The following ZNF33A variants were observed in gnomAD, a reference collection of about 807,000 sequenced individuals.
ZNF33A encodes zinc finger protein 33A, also known as brain my041 protein.
In ZNF33A, 9 loss-of-function variants were observed where a neutral mutation model predicts 15.9. That is an observed-to-expected ratio of 0.57 (90% CI 0.34 to 0.99). The LOEUF is 0.99. Ranked by LOEUF, ZNF33A falls within the 50% of genes least tolerant of loss-of-function variation. ZNF33A has a pLI of 0.02. For synonymous variants in ZNF33A, 294 were observed against 324.2 expected (o/e 0.91, Z 1.00); for missense variants, 843 against 941.6 (o/e 0.90, Z 1.37).
chr10:38,010,712 T>C lies in ZNF33A; in HGVS notation c.-116T>C. 1.3e-6 allele frequency: 2 copies of C among 1,598,306 alleles called. No homozygotes were observed. Among genetic ancestry groups the C allele is most frequent in the Non-Finnish European group, 1.7e-6 (2 of 1,179,754 alleles). ...CCTTTTGTTTTTCTCAGGTTTTGCGTGGGAGGCGGTCCCGGGATTTCAAGG... is the reference window on the plus strand; with the variant it reads ...CCTTTTGTTTTTCTCAGGTTTTGCGCGGGAGGCGGTCCCGGGATTTCAAGG... On this transcript the variant is annotated 5_prime_UTR_variant, in exon 1 of 5. Transcript: ENST00000432900.
chr10:38,013,174 G>T (rs986648778), intron 2 of ZNF33A, among the ~76,000 whole-genome samples: 1 of 146,218 alleles, frequency 6.8e-6, no homozygotes, highest in African/African-American at 2.6e-5. Flanking sequence ...ACAGTGGCGC[G>T]ATCTTGGCTC....
At position 38,057,625 on chromosome 10, in the gene ZNF33A, T is replaced by C. The variant is rs2066540278; in HGVS notation, c.*1065T>C. The C allele has an allele frequency of 1.0e-6, 1 of 984,652 alleles. No homozygotes were observed. The highest frequency in any genetic ancestry group is 6.1e-5 in the Admixed American group (1 of 16,266). The allele number at this position is 984,652 out of a possible 1,614,324, so 61.0% of individuals were successfully genotyped here. A position where few individuals can be genotyped will look rare whatever the true frequency, so the allele number is the denominator to read the frequency against. ...TCCATTTAAAAGGTATAAATCAAAA[T>C]AACAAATTATCTAAAAAAAATCTAT... On this transcript the variant is annotated 3_prime_UTR_variant, in exon 5 of 5. Transcript: ENST00000432900.
Position 38,057,509 on chromosome 10 carries a change from T to A in ZNF33A, c.*949T>A. 1 of 985,470 alleles carries A rather than the reference T, an allele frequency of 1.0e-6. No individual in the cohort carries two copies. Among genetic ancestry groups the A allele is most frequent in the Non-Finnish European group, 1.2e-6 (1 of 829,930 alleles). 61.0% of individuals were successfully genotyped at this position (985,470 alleles called of 1,614,324 possible). A position where few individuals can be genotyped will look rare whatever the true frequency, so the allele number is the denominator to read the frequency against. ...AATTGTGAATAGGAAGTAGGTATCC[T>A]AGTTTAGTAGTGGTTACATTATCAG... On this transcript the variant is annotated 3_prime_UTR_variant, in exon 5 of 5. Coordinates refer to ENST00000432900, the MANE Select transcript of ZNF33A (RefSeq NM_006954.2).
intron 4 of ZNF33A, among the ~76,000 whole-genome samples, chr10:38,030,393 A>G (rs968865619): frequency 6.6e-6 from 1 of 152,242 alleles, no homozygotes; most frequent in African/African-American, 2.4e-5. Flanking sequence ...AGTGTTACCC[A>G]GCATTAAAAT....
chr10:38,037,068 G>T (rs1159649071), intron 4 of ZNF33A, among the ~76,000 whole-genome samples: 1 of 152,124 alleles, frequency 6.6e-6, no homozygotes, highest in African/African-American at 2.4e-5. Context: ...GGTAGCAAAA[G>T]AGTTTTTCAT....
chr10:38,052,927 G>T (rs1190599069), intron 4 of ZNF33A, among the ~76,000 whole-genome samples: 1 of 151,492 alleles, frequency 6.6e-6, no homozygotes, highest in Admixed American at 6.6e-5. Context: ...TTTAATATTA[G>T]ATTTATTCTG....
rs1009687737 is a variant in ZNF33A, at chr10:38,058,458, C to T, written c.*1898C>T. The T allele has an allele frequency of 2.6e-5, 4 of 152,096 alleles. No homozygotes were observed. Among genetic ancestry groups the T allele is most frequent in the African/African-American group, 9.7e-5 (4 of 41,412 alleles). The allele number at this position is 152,096 out of a possible 1,614,324, so 9.4% of individuals were successfully genotyped here. A position where few individuals can be genotyped will look rare whatever the true frequency, so the allele number is the denominator to read the frequency against. ...TAGGCATATGTATCTATTAAATAAACCAAAGCAGTAATTAATAACCTTCCA... is the reference window on the plus strand; with the variant it reads ...TAGGCATATGTATCTATTAAATAAATCAAAGCAGTAATTAATAACCTTCCA... On this transcript the variant is annotated 3_prime_UTR_variant, in exon 5 of 5. Transcript: ENST00000432900.
intron 4 of ZNF33A, among the ~76,000 whole-genome samples, chr10:38,031,024 G>C (rs999908504): frequency 1.3e-5 from 2 of 152,172 alleles, no homozygotes; most frequent in African/African-American, 2.4e-5. Context: ...GCATCCTTGT[G>C]ATGGGACTGT....
At chr10:38,035,639 A>C (rs530852625) in intron 4 of ZNF33A, among the ~76,000 whole-genome samples, 1 of 152,206 alleles carries the variant, frequency 6.6e-6, no homozygotes, top group South Asian at 2.1e-4. Context: ...ACTATTTTTT[A>C]CATTTGTAAT....
At position 38,058,142 on chromosome 10, in the gene ZNF33A, A is replaced by G; in HGVS notation, c.*1582A>G. On this transcript the variant is annotated 3_prime_UTR_variant, in exon 5 of 5. Coordinates refer to ENST00000432900, the MANE Select transcript of ZNF33A (RefSeq NM_006954.2). ...AATTAAATCCAAAGTAACCTGAAAAAACATTAGAGTAAAAATCATTGAAAT... is the reference window on the plus strand; with the variant it reads ...AATTAAATCCAAAGTAACCTGAAAAGACATTAGAGTAAAAATCATTGAAAT... The G allele has an allele frequency of 1.3e-6, 1 of 789,888 alleles. No homozygotes were observed. The highest frequency in any genetic ancestry group is 1.5e-6 in the Non-Finnish European group (1 of 651,396). The allele number at this position is 789,888 out of a possible 1,614,324, so 48.9% of individuals were successfully genotyped here.
downstream of ZNF33A, among the ~76,000 whole-genome samples, chr10:38,067,722 G>T (rs1468769678): frequency 1.3e-5 from 2 of 152,190 alleles, no homozygotes; most frequent in Non-Finnish European, 2.9e-5. Context: ...ACCAAAAAGT[G>T]AATCTCATGC....
chr10:38,013,073 T>C (rs1332632447), intron 2 of ZNF33A, among the ~76,000 whole-genome samples: 1 of 152,178 alleles, frequency 6.6e-6, no homozygotes, highest in Non-Finnish European at 1.5e-5. Context: ...TTCTTTTGGA[T>C]GTAGTGTTTG....
chr10:38,063,412 A>G (rs2066678817), downstream of ZNF33A, among the ~76,000 whole-genome samples: 3 of 152,286 alleles, frequency 2.0e-5, no homozygotes, highest in South Asian at 4.1e-4. Flanking sequence ...CTTGAACTTG[A>G]CAAAAATTAT....
chr10:38,018,741 C>T (rs2064584399), intron 4 of ZNF33A, among the ~76,000 whole-genome samples: 1 of 151,830 alleles, frequency 6.6e-6, no homozygotes, highest in African/African-American at 2.4e-5. Flanking sequence ...GAAAGTGGGG[C>T]AATAACAAAA....
At chr10:38,029,557 A>G (rs2065125630) in intron 4 of ZNF33A, among the ~76,000 whole-genome samples, 1 of 152,174 alleles carries the variant, frequency 6.6e-6, no homozygotes. Flanking sequence ...GTTGGTTTTT[A>G]TAGTTCTTGT....
At chr10:38,038,292 A>C (rs961825387) in intron 4 of ZNF33A, among the ~76,000 whole-genome samples, 9 of 151,932 alleles carry the variant, frequency 5.9e-5, no homozygotes, top group Non-Finnish European at 1.0e-4. Flanking sequence ...AGTATAGATG[A>C]GGTTTCACCA....
In ZNF33A at chr10:38,054,500, T is replaced by C. The variant is rs760045813; in HGVS notation, c.376T>C (p.Phe126Leu). The C allele has an allele frequency of 5.6e-6, 9 of 1,612,874 alleles. No individual in the cohort carries two copies. Among genetic ancestry groups the C allele is most frequent in the Non-Finnish European group, 7.6e-6 (9 of 1,179,672 alleles). The change falls in exon 5 of 5, where the codon TTT becomes CTT. Residue 126 changes from phenylalanine to leucine, a missense_variant. Coordinates refer to ENST00000432900, the MANE Select transcript of ZNF33A (RefSeq NM_006954.2). ...ACAAGGTGATGTAATAGGAATACCATTTAATGTGGATGTAAGTTCTTTTCC... is the reference window on the plus strand; with the variant it reads ...ACAAGGTGATGTAATAGGAATACCACTTAATGTGGATGTAAGTTCTTTTCC... ...KEQGDVIGIPFNVDVSSFPSR... is the reference protein window; with the variant it reads ...KEQGDVIGIPLNVDVSSFPSR...
At position 38,049,121 on chromosome 10, in the gene ZNF33A, C is replaced by T. The variant is rs1418784765; in HGVS notation, c.251-5254C>T. Among the ~76,000 whole-genome samples the T allele has an allele frequency of 2.0e-5, 3 of 152,046 alleles. No homozygotes were observed. The East Asian group carries it at 5.8e-4, about 29-fold the overall frequency. ...ATTTAGTTAAATTAAAAATCAATAA[C>T]AGAACTATCTATAAAATCCCTAATA... On this transcript the variant is annotated intron_variant, in intron 4 of 4. Transcript: ENST00000432900.
intron 2 of ZNF33A, among the ~76,000 whole-genome samples, chr10:38,015,178 A>C (rs1313862676): frequency 3.3e-5 from 5 of 152,038 alleles, no homozygotes; most frequent in Non-Finnish European, 7.4e-5. Flanking sequence ...CCTGGCCTCC[A>C]ATTCCATTCT....
Sources: gnomAD v4.1 joint callset for allele counts (sites outside exome capture counted in the v4.1 genomes callset) on GRCh38, gnomAD v4.1.1 for gene constraint, MANE v1.5 for transcripts, NCBI Gene and HGNC (gene_info 2026-07-23, HGNC 2026-07-21) for gene names.